Variants in DOCK3 observed in about 807,000 individuals in gnomAD.
The protein encoded by DOCK3 is dedicator of cytokinesis protein 3.
Under a neutral mutation model 265.6 loss-of-function variants are expected in DOCK3, and 60 were observed. That is an observed-to-expected ratio of 0.23 (90% CI 0.18 to 0.28). DOCK3 has a LOEUF of 0.28. Among genes scored for constraint, DOCK3 ranks in the 10% least tolerant of loss-of-function variants. DOCK3 has a pLI of 1.00. For missense variants in DOCK3, 1,981 were observed against 2,594.3 expected (o/e 0.76, Z 5.14); for synonymous variants, 881 against 938.0 (o/e 0.94, Z 1.11).
intron 4 of DOCK3, among the ~76,000 whole-genome samples, chr3:50,891,960 A>G (rs951739792): frequency 6.6e-6 from 1 of 152,124 alleles, no homozygotes; most frequent in African/African-American, 2.4e-5. Flanking sequence ...GGCTGTACAT[A>G]AAATTACACA....
intron 4 of DOCK3, among the ~76,000 whole-genome samples, chr3:50,903,400 C>T (rs548105448): frequency 2.6e-5 from 4 of 152,176 alleles, no homozygotes; most frequent in Non-Finnish European, 5.9e-5. Context: ...TATTGAAGGC[C>T]TTTTCTGCAT....
intron 5 of DOCK3, among the ~76,000 whole-genome samples, chr3:50,979,733 T>A (rs1319484791): frequency 6.6e-6 from 1 of 152,236 alleles, no homozygotes; most frequent in Non-Finnish European, 1.5e-5. Context: ...ACAGATTGCT[T>A]TCTCGATTTC....
chr3:50,886,190 A>G (rs1170021490), intron 3 of DOCK3, among the ~76,000 whole-genome samples: 1 of 139,882 alleles, frequency 7.1e-6, no homozygotes, highest in Admixed American at 7.1e-5. Flanking sequence ...TTTTGGAGAT[A>G]TATATATATA....
chr3:51,316,829 A>G (rs1045259511), intron 32 of DOCK3, among the ~76,000 whole-genome samples: 1 of 152,134 alleles, frequency 6.6e-6, no homozygotes, highest in Non-Finnish European at 1.5e-5. Flanking sequence ...GTTGAATTGT[A>G]GGGTTCTTTA....
chr3:51,198,303 C>T (rs1351319632), intron 12 of DOCK3, among the ~76,000 whole-genome samples: 1 of 152,220 alleles, frequency 6.6e-6, no homozygotes, highest in Admixed American at 6.5e-5. Context: ...GCTTTTCACT[C>T]TGTTCTCTTT....
chr3:51,058,393 A>T (rs1180860527), intron 5 of DOCK3, among the ~76,000 whole-genome samples: 1 of 152,168 alleles, frequency 6.6e-6, no homozygotes, highest in African/African-American at 2.4e-5. Flanking sequence ...TGGAAAATGC[A>T]ATCTGTGAAA....
rs1305465754 is a variant in DOCK3, at chr3:51,156,401, G to C, written c.829-2843G>C. ...GCCATGTAATCAGGACTGAAATCCT[G>C]CTCACCAGATGAATGGTAGATACAT... On this transcript the variant is annotated intron_variant, in intron 10 of 52. Coordinates refer to ENST00000266037, the MANE Select transcript of DOCK3 (RefSeq NM_004947.5). Among the ~76,000 whole-genome samples the C allele has an allele frequency of 2.0e-5, 3 of 152,180 alleles. No individual in the cohort carries two copies. The East Asian group carries it at 5.8e-4, about 29-fold the overall frequency.
At chr3:50,827,986 C>T (rs1160655858) in intron 2 of DOCK3, among the ~76,000 whole-genome samples, 1 of 151,806 alleles carries the variant, frequency 6.6e-6, no homozygotes, top group African/African-American at 2.4e-5. Context: ...TGCTCTGTCC[C>T]CTAGGCTGGA....
intron 5 of DOCK3, among the ~76,000 whole-genome samples, chr3:50,991,973 A>G (rs762073960): frequency 6.6e-6 from 1 of 152,218 alleles, no homozygotes; most frequent in Non-Finnish European, 1.5e-5. Context: ...GAAATTAAAC[A>G]ACATGCTCCT....
chr3:51,305,834 CT>C (rs761039681), intron 27 of DOCK3, among the ~76,000 whole-genome samples: 67 of 50,574 alleles, frequency 1.3e-3, no homozygotes, highest in Non-Finnish European at 1.8e-3. Flanking sequence ...ATTTCTTCTT[CT>C]TTTTTTTTTT....
chr3:51,264,997 A>G (rs930365733), intron 23 of DOCK3, among the ~76,000 whole-genome samples: 1 of 152,120 alleles, frequency 6.6e-6, no homozygotes, highest in Admixed American at 6.5e-5. Context: ...AATAGACACA[A>G]CAAAAAATGT....
At chr3:51,247,741 A>G (rs1015468834) in intron 22 of DOCK3, among the ~76,000 whole-genome samples, 2 of 152,176 alleles carry the variant, frequency 1.3e-5, no homozygotes, top group Non-Finnish European at 2.9e-5. Context: ...CATCTGTCCT[A>G]GGGGCTAAGA....
intron 2 of DOCK3, among the ~76,000 whole-genome samples, chr3:50,833,023 A>G (rs1005408320): frequency 1.7e-4 from 26 of 152,182 alleles, no homozygotes; most frequent in African/African-American, 6.3e-4. Context: ...AAGTAAGTAA[A>G]ATTATCCCAA....
At chr3:51,312,351 A>AG (rs1201840220) in intron 29 of DOCK3, 125 bp from the exon 30 acceptor site, 2 of 962,658 alleles carry the variant, frequency 2.1e-6, no homozygotes, top group Admixed American at 2.8e-5. Flanking sequence ...GATATTTAAA[A>AG]GGGAAAAAAA....
chr3:50,739,300 T>C (rs1214594941), intron 1 of DOCK3, among the ~76,000 whole-genome samples: 8 of 152,122 alleles, frequency 5.3e-5, no homozygotes. Context: ...TAATGTATCT[T>C]CCCCTTCCTT....
intron 38 of DOCK3, among the ~76,000 whole-genome samples, chr3:51,345,339 G>A (rs377096857): frequency 5.3e-5 from 8 of 152,216 alleles, no homozygotes; most frequent in African/African-American, 1.7e-4. Context: ...GCTGGGCATC[G>A]TGGCTCATGC....
intron 5 of DOCK3, among the ~76,000 whole-genome samples, chr3:51,036,818 CT>C (rs2080290021): frequency 6.6e-6 from 1 of 152,058 alleles, no homozygotes; most frequent in Admixed American, 6.6e-5. Context: ...TGGGGTGGGT[CT>C]TTCCCATGCT....
chr3:51,354,196 T>C (rs1406961134), intron 40 of DOCK3, among the ~76,000 whole-genome samples: 1 of 151,192 alleles, frequency 6.6e-6, no homozygotes, highest in Non-Finnish European at 1.5e-5. Context: ...AAAGTGATCC[T>C]TCAGAATCAC....
intron 27 of DOCK3, among the ~76,000 whole-genome samples, chr3:51,280,813 G>C (rs138238299): frequency 7.6e-4 from 115 of 152,238 alleles, no homozygotes; most frequent in African/African-American, 2.7e-3. Context: ...AGGATCGATT[G>C]AGCCCAGAAA....
Sources: gnomAD v4.1 joint callset for allele counts (sites outside exome capture counted in the v4.1 genomes callset) on GRCh38, gnomAD v4.1.1 for gene constraint, MANE v1.5 for transcripts, NCBI Gene and HGNC (gene_info 2026-07-23, HGNC 2026-07-21) for gene names.